Variants in MYOM1 observed in about 807,000 individuals in gnomAD.
MYOM1 encodes myomesin 1.
A neutral mutation model predicts 205.3 loss-of-function variants in MYOM1; 164 were observed. The observed-to-expected ratio is 0.80, with a 90% CI of 0.70 to 0.91. The LOEUF is 0.91. MYOM1 is among the 40% of genes least tolerant of loss of function. MYOM1 has a pLI of 0.00. For synonymous variants in MYOM1, 772 were observed against 789.4 expected (o/e 0.98, Z 0.37); for missense variants, 2,011 against 2,127.3 (o/e 0.95, Z 1.08).
At chr18:3,161,471 G>A (rs1038016304) in intron 10 of MYOM1, among the ~76,000 whole-genome samples, 8 of 152,180 alleles carry the variant, frequency 5.3e-5, no homozygotes, top group Non-Finnish European at 1.2e-4. Flanking sequence ...TGTGCTAAGT[G>A]TGCACTAAGC....
At chr18:3,115,647 G>C (rs1052389463) in intron 21 of MYOM1, among the ~76,000 whole-genome samples, 1 of 152,106 alleles carries the variant, frequency 6.6e-6, no homozygotes, top group African/African-American at 2.4e-5. Context: ...GGGGCATCAG[G>C]GTCTCCAGGT....
chr18:3,163,547 G>C (rs1232546647), intron 10 of MYOM1, among the ~76,000 whole-genome samples: 1 of 151,976 alleles, frequency 6.6e-6, no homozygotes, highest in Non-Finnish European at 1.5e-5. Flanking sequence ...CTGCCTGCCA[G>C]GCCCAAGCCA....
chr18:3,215,137 G>C lies in MYOM1; in HGVS notation c.87C>G (p.Tyr29Ter). Residue 29 changes from tyrosine (Y) to a stop codon, truncating the protein, a stop_gained, in exon 2 of 38, where the codon TAC (tyrosine) becomes TAG (stop). Transcript: ENST00000356443. LOFTEE classifies it high-confidence loss of function. ...CGGCGGAGCGTTTCTTCTCCCGCTG[G>C]TAGTGACTCACGGTGCTGCGCACGT... ...NKDVRSTVSHYQREKKRSAVY... is the reference protein window; with the variant it reads ...NKDVRSTVSH 1 of 1,613,836 alleles carries C rather than the reference G, an allele frequency of 6.2e-7. No individual in the cohort carries two copies. Among genetic ancestry groups the C allele is most frequent in the African/African-American group, 1.3e-5 (1 of 75,044 alleles).
intron 31 of MYOM1, 141 bp downstream of exon 31, chr18:3,084,904 T>A (rs939485079): frequency 1.6e-6 from 1 of 610,002 alleles, no homozygotes; most frequent in African/African-American, 1.9e-5. Context: ...AACAGTTCAC[T>A]CTGTTGGAAT....
At chr18:3,155,324 C>T (rs549784916) in intron 10 of MYOM1, among the ~76,000 whole-genome samples, 65 of 152,268 alleles carry the variant, frequency 4.3e-4, no homozygotes, top group African/African-American at 1.4e-3. Context: ...CGGGTTCACG[C>T]CATTCTCCTG....
chr18:3,112,399 T>A lies in MYOM1; in HGVS notation c.3317A>T (p.Lys1106Met), dbSNP rs753637020. The change falls in exon 22 of 38, where the codon AAG becomes ATG. Residue 1106 changes from lysine (K) to methionine (M), a missense_variant. By Grantham distance (95) the Lys-to-Met change is moderately conservative. Coordinates refer to ENST00000356443, the MANE Select transcript of MYOM1 (RefSeq NM_003803.4). ...KNVYLKVRGL[K>M]EGVSYVFRVR... The stretch of plus-strand genomic sequence containing the variant: ...ACGGAACACGTAGCTGACGCCCTCC[T>A]TGAGGCCTCGAACCTGGTAGAAGCA... 10 of 1,603,212 alleles carry A rather than the reference T, an allele frequency of 6.2e-6. No individual in the cohort carries two copies. The highest frequency in any genetic ancestry group is 5.6e-5 in the South Asian group (5 of 89,868).
rs1442817523 is a variant in MYOM1, at chr18:3,151,767, C to T, written c.1770G>A (p.Met590Ile). The T allele has an allele frequency of 6.2e-7, 1 of 1,613,906 alleles. No individual in the cohort carries two copies. Among genetic ancestry groups the T allele is most frequent in the Admixed American group, 1.7e-5 (1 of 60,020 alleles). Residue 590 changes from methionine (M) to isoleucine (I), a missense_variant, in exon 12 of 38, where the codon ATG becomes ATA. By Grantham distance (10) the Met-to-Ile change is conservative (BLOSUM62 1). Coordinates refer to ENST00000356443, the MANE Select transcript of MYOM1 (RefSeq NM_003803.4). ...AAACTCGAGATGGGAAACCTATTCC[C>T]ATTTTATTCACAGCTCGAACTCGGA... Reference protein sequence around the residue: ...YIFRVRAVNKMGIGFPSRVSE... With the variant: ...YIFRVRAVNKIGIGFPSRVSE...
chr18:3,089,880 T>A (rs1349317607), intron 27 of MYOM1, among the ~76,000 whole-genome samples: 2 of 152,198 alleles, frequency 1.3e-5, no homozygotes, highest in African/African-American at 4.8e-5. Flanking sequence ...TAAATCTGGG[T>A]GGTAGTAAGT....
intron 31 of MYOM1, 121 bp from the exon 32 acceptor site, chr18:3,084,148 A>C: frequency 3.8e-6 from 4 of 1,048,868 alleles, no homozygotes; most frequent in Non-Finnish European, 5.7e-6. Context: ...AACAAGGTGA[A>C]TTTGTCGACC....
At chr18:3,206,956 T>C (rs995215294) in intron 2 of MYOM1, among the ~76,000 whole-genome samples, 3 of 152,156 alleles carry the variant, frequency 2.0e-5, no homozygotes, top group African/African-American at 7.2e-5. Flanking sequence ...CTTACACTAA[T>C]CTCTTCTCTT....
At position 3,189,203 on chromosome 18, in the gene MYOM1, T is replaced by C. The variant is rs2144152216; in HGVS notation, c.432-116A>G. Reference sequence around the variant, plus strand: ...CACTGTATCCTGCACCAAAAGAAAATCCGACATAGAAAAAGCAGGTGAATC... The same window carrying C: ...CACTGTATCCTGCACCAAAAGAAAACCCGACATAGAAAAAGCAGGTGAATC... On this transcript the variant is annotated intron_variant, in intron 3 of 37. Coordinates refer to ENST00000356443, the MANE Select transcript of MYOM1 (RefSeq NM_003803.4). The surrounding 1 kb of genome is among the most constrained non-coding windows in gnomAD (Gnocchi z 4.8). The C allele has an allele frequency of 3.1e-6, 3 of 970,216 alleles. No homozygotes were observed. The highest frequency in any genetic ancestry group is 4.5e-6 in the Non-Finnish European group (3 of 671,902). 60.1% of individuals were successfully genotyped at this position (970,216 alleles called of 1,614,324 possible). A position where few individuals can be genotyped will look rare whatever the true frequency, so the allele number is the denominator to read the frequency against.
At chr18:3,086,014 C>T (rs908610636) in intron 30 of MYOM1, 24 bp downstream of exon 30, 3 of 1,440,676 alleles carry the variant, frequency 2.1e-6, no homozygotes, top group Middle Eastern at 3.5e-4. Context: ...TAATATATTA[C>T]ATTTTACATT....
intron 2 of MYOM1, among the ~76,000 whole-genome samples, chr18:3,197,530 A>G (rs2081004160): frequency 2.0e-5 from 3 of 152,226 alleles, no homozygotes; most frequent in Admixed American, 1.3e-4. Flanking sequence ...TTTATGAAAC[A>G]TTCAATCAAT....
intron 1 of MYOM1, among the ~76,000 whole-genome samples, chr18:3,216,071 C>G (rs1203762053): frequency 2.0e-5 from 3 of 152,112 alleles, no homozygotes; most frequent in Non-Finnish European, 4.4e-5. Flanking sequence ...AGTTCAAGAC[C>G]AGCCCGGCCA....
intron 10 of MYOM1, among the ~76,000 whole-genome samples, chr18:3,160,021 T>TCTCCTTCTCCTCTTCCTC (rs1340583108): frequency 6.7e-6 from 1 of 149,812 alleles, no homozygotes; most frequent in Non-Finnish European, 1.5e-5. Context: ...TACTTCTTCT[T>TCTCCTTCTCCTCTTCCTC]CTCCTTCTCC....
intron 10 of MYOM1, 29 bp from the exon 11 acceptor site, chr18:3,155,117 C>T (rs924893442): frequency 1.9e-6 from 3 of 1,584,334 alleles, no homozygotes; most frequent in Admixed American, 1.8e-5. Context: ...ATCCCATTAA[C>T]CCTCTCAGAC....
intron 14 of MYOM1, among the ~76,000 whole-genome samples, chr18:3,140,132 C>T (rs1247136824): frequency 6.6e-6 from 1 of 152,084 alleles, no homozygotes; most frequent in Non-Finnish European, 1.5e-5. Flanking sequence ...TGCAGCCGGG[C>T]GTGGTGGGTC....
chr18:3,122,180 G>GTTT lies in MYOM1; in HGVS notation c.2992-2188_2992-2186dup, dbSNP rs71366636. On this transcript the variant is annotated intron_variant, in intron 19 of 37. Coordinates refer to ENST00000356443, the MANE Select transcript of MYOM1 (RefSeq NM_003803.4). Reference sequence around the variant, plus strand: ...ATAGAAAGTACAAAATAAGATATTAGTTTTTTTTTTTTTTTAAGTAATCAG... The same window carrying GTTT: ...ATAGAAAGTACAAAATAAGATATTAGTTTTTTTTTTTTTTTTTTAAGTAATCAG... Among the ~76,000 whole-genome samples the GTTT allele has an allele frequency of 6.2e-3, 863 of 138,658 alleles. 6 individuals are homozygous for GTTT. The highest frequency in any genetic ancestry group is 0.021 in the African/African-American group (822 of 38,390). 91.0% of individuals were successfully genotyped at this position (138,658 alleles called of 152,430 possible).
intron 20 of MYOM1, 22 bp from the exon 21 acceptor site, chr18:3,116,537 G>A (rs754415632): frequency 2.7e-6 from 4 of 1,497,996 alleles, no homozygotes; most frequent in Non-Finnish European, 3.6e-6. Flanking sequence ...AGAAGCCAAT[G>A]AGTAGAAATC....
Sources: allele counts gnomAD v4.1 joint callset (sites outside exome capture counted in the v4.1 genomes callset), GRCh38; gene constraint gnomAD v4.1.1; non-coding constraint Gnocchi (gnomAD v3.1); transcripts MANE v1.5; gene names NCBI Gene and HGNC (gene_info 2026-07-23, HGNC 2026-07-21).